NF1: variants seen among roughly 807,000 people sequenced by gnomAD.
NF1 encodes neurofibromin.
NF1 carries 122 observed loss-of-function variants against 325.7 expected under a neutral mutation model. The ratio of observed to expected loss-of-function variants is 0.37; its 90% confidence interval spans 0.32 to 0.44. The LOEUF (loss-of-function observed/expected upper bound fraction) is 0.44, where lower values mean the gene tolerates loss of function less well. NF1 is among the 20% of genes least tolerant of loss of function. The pLI is 1.00. For synonymous variants in NF1, 1,091 were observed against 1,186.0 expected (o/e 0.92, Z 1.65); for missense variants, 2,140 against 3,415.4 (o/e 0.63, Z 9.31).
chr17:31,330,261 C>T (rs201752443), intron 38 of NF1, 35 bp from the exon 39 acceptor site: 12 of 1,597,152 alleles, frequency 7.5e-6, no homozygotes, highest in Admixed American at 1.7e-5. Flanking sequence ...AGGAAAAATA[C>T]GTTTTAAAAC....
rs760528281 is a variant in NF1, at chr17:31,181,689, CAT to C, written c.655-20_655-19del. The C allele has an allele frequency of 4.0e-5, 62 of 1,548,786 alleles. No homozygotes were observed. The highest frequency in any genetic ancestry group is 5.2e-5 in the Non-Finnish European group (58 of 1,120,668). On this transcript the variant is annotated intron_variant, in intron 6 of 57. Transcript: ENST00000358273. ...GTATTACAAAAAATCACTGTAAAGA[CAT>C]GTGGTTCTTTATTTATAGGCATTTT...
At position 31,131,691 on chromosome 17, in the gene NF1, T is replaced by C. The variant is rs117651532; in HGVS notation, c.61-24292T>C. Among the ~76,000 whole-genome samples the C allele has an allele frequency of 1.7e-3, 264 of 152,308 alleles. 1 individual carries two copies. Among genetic ancestry groups the C allele is most frequent in the Non-Finnish European group, 1.6e-3 (106 of 68,014 alleles). The stretch of plus-strand genomic sequence containing the variant: ...GAAATGTATAAATTTAACAAATCAG[T>C]TGTTGGTGTAAACTTGCTGATATTT... On this transcript the variant is annotated intron_variant, in intron 1 of 57. Coordinates refer to ENST00000358273, the MANE Select transcript of NF1 (RefSeq NM_001042492.3).
intron 4 of NF1, among the ~76,000 whole-genome samples, chr17:31,167,395 G>A (rs1364105789): frequency 6.6e-6 from 1 of 152,168 alleles, no homozygotes; most frequent in Non-Finnish European, 1.5e-5. Flanking sequence ...TGAGTGAAAC[G>A]AGAATTTGAG....
rs2151466608 is a variant in NF1, at chr17:31,261,876, A to G, written c.4724+19A>G. ...TGACTAGGTAAAGTACAACCTTGAA[A>G]TAGTTGATTGCTTTCTTTTTGGTTG... On this transcript the variant is annotated intron_variant, in intron 35 of 57. Coordinates refer to ENST00000358273, the MANE Select transcript of NF1 (RefSeq NM_001042492.3). 3.1e-6 allele frequency: 5 copies of G among 1,612,428 alleles called. No homozygotes were observed. The highest frequency in any genetic ancestry group is 4.2e-6 in the Non-Finnish European group (5 of 1,179,628).
chr17:31,304,101 A>T (rs893), intron 36 of NF1: 11,084 of 598,558 alleles, frequency 0.019, 148 homozygotes, highest in African/African-American at 0.028. Context: ...AACTTTTTTT[A>T]AAAAAAAGTT....
intron 1 of NF1, 163 bp downstream of exon 1, chr17:31,095,532 G>A: frequency 4.4e-6 from 3 of 687,088 alleles, no homozygotes; most frequent in Non-Finnish European, 7.1e-6. Flanking sequence ...GGGTGGCCAA[G>A]GCGGGAGGTG....
rs1265291141 is a variant in NF1, at chr17:31,260,397, C to T, written c.4459C>T (p.Pro1487Ser). 5.0e-6 allele frequency: 8 copies of T among 1,613,908 alleles called. No homozygotes were observed. Among genetic ancestry groups the T allele is most frequent in the Non-Finnish European group, 6.8e-6 (8 of 1,179,924 alleles). The change falls in exon 34 of 58, where the codon CCT becomes TCT. Residue 1487 changes from proline (P) to serine (S), a missense_variant. By Grantham distance (74) the Pro-to-Ser change is moderately conservative. Around this residue, in one of 10 missense-constraint regions of NF1, gnomAD observed 336 missense variants for 399.0 expected, o/e 0.84. Coordinates refer to ENST00000358273, the MANE Select transcript of NF1 (RefSeq NM_001042492.3). ...RFFLDIASDC[P>S]TSDAVNHSLS... ...TTTCCTTGATATAGCATCTGATTGTCCTACAAGTGATGCAGTAAATCATAG... is the reference window on the plus strand; with the variant it reads ...TTTCCTTGATATAGCATCTGATTGTTCTACAAGTGATGCAGTAAATCATAG...
chr17:31,229,498 A>G (rs746614461), intron 21 of NF1, 33 bp downstream of exon 21: 12 of 1,587,542 alleles, frequency 7.6e-6, no homozygotes, highest in African/African-American at 5.4e-5. Context: ...ACCTTTCTCT[A>G]TGAATAGAGT....
chr17:31,351,880 T>C (rs1401616785), intron 50 of NF1, among the ~76,000 whole-genome samples: 1 of 151,592 alleles, frequency 6.6e-6, no homozygotes. Context: ...TTTTTTAAGC[T>C]CATCAACTGT....
At chr17:31,156,633 G>A (rs1213621397) in intron 2 of NF1, among the ~76,000 whole-genome samples, 2 of 152,140 alleles carry the variant, frequency 1.3e-5, no homozygotes, top group African/African-American at 4.8e-5. Flanking sequence ...ACCTGTGACA[G>A]ATTCTGTAGT....
chr17:31,326,274 G>A (rs760848991), intron 37 of NF1, 22 bp downstream of exon 37: 6 of 1,601,162 alleles, frequency 3.7e-6, no homozygotes, highest in Non-Finnish European at 5.1e-6. Context: ...TCTGTGTTTT[G>A]TAAACGATTC....
intron 36 of NF1, among the ~76,000 whole-genome samples, chr17:31,278,483 G>T: frequency 2.0e-5 from 1 of 49,366 alleles, no homozygotes; most frequent in Admixed American, 2.8e-4. Context: ...CATTGCCTTG[G>T]TAATTGAAGC....
At chr17:31,139,558 G>A (rs1916063042) in intron 1 of NF1, among the ~76,000 whole-genome samples, 1 of 152,212 alleles carries the variant, frequency 6.6e-6, no homozygotes, top group African/African-American at 2.4e-5. Flanking sequence ...ACTCTTAAAT[G>A]TGAGATAATT....
intron 37 of NF1, among the ~76,000 whole-genome samples, chr17:31,327,131 G>T (rs891369149): frequency 1.3e-5 from 2 of 151,936 alleles, no homozygotes; most frequent in Non-Finnish European, 2.9e-5. Flanking sequence ...GCCACGGCAG[G>T]CTAGTTTTTG....
rs113888041 is a variant in NF1, at chr17:31,354,213, A to G, written c.7615+1799A>G. Among the ~76,000 whole-genome samples, 555 of 152,320 alleles carry G rather than the reference A, an allele frequency of 3.6e-3. 3 individuals carry two copies. Among genetic ancestry groups the G allele is most frequent in the African/African-American group, 0.012 (507 of 41,572 alleles). The stretch of plus-strand genomic sequence containing the variant: ...CAACTCCAGGTGCCATTAAAATGAT[A>G]TGTCTTGATGGAGAAAGCTGGAGAT... On this transcript the variant is annotated intron_variant, in intron 51 of 57. Transcript: ENST00000358273.
intron 36 of NF1, among the ~76,000 whole-genome samples, chr17:31,323,614 G>C (rs2069269332): frequency 6.6e-6 from 1 of 152,126 alleles, no homozygotes; most frequent in Non-Finnish European, 1.5e-5. Flanking sequence ...TGACTATTCT[G>C]TATTTTCCCA....
At position 31,325,952 on chromosome 17, in the gene NF1, A is replaced by G; in HGVS notation, c.4968A>G (p.Thr1656=). ...CCGGGCCTAGCAATCGCTTTAAAAC[A>G]GACTTTCTCTCTAAGTGGTTTGTTG... The part of the protein sequence containing the change: ...THTGPSNRFK[T]DFLSKWFVVF... Residue 1656 remains threonine (T), a synonymous_variant, in exon 37 of 58, where the codon ACA becomes ACG. Transcript: ENST00000358273. The G allele has an allele frequency of 6.2e-7, 1 of 1,614,216 alleles. No homozygotes were observed. Among genetic ancestry groups the G allele is most frequent in the Non-Finnish European group, 8.5e-7 (1 of 1,180,042 alleles).
intron 36 of NF1, among the ~76,000 whole-genome samples, chr17:31,293,100 C>T (rs1056997872): frequency 1.5e-5 from 2 of 135,772 alleles, no homozygotes; most frequent in Admixed American, 1.7e-4. Flanking sequence ...ATTGCTTGAA[C>T]CTGGGAGGGG....
intron 36 of NF1, chr17:31,320,274 AT>A: frequency 1.1e-6 from 1 of 892,872 alleles, no homozygotes; most frequent in Non-Finnish European, 1.6e-6. Flanking sequence ...ACTAAATGAA[AT>A]TGCCTGGTTA....
Sources: allele counts gnomAD v4.1 joint callset (sites outside exome capture counted in the v4.1 genomes callset), GRCh38; gene constraint gnomAD v4.1.1; regional missense constraint gnomAD v4.1.1; transcripts MANE v1.5; gene names NCBI Gene and HGNC (gene_info 2026-07-23, HGNC 2026-07-21).